HDAC9: variants seen among roughly 807,000 people sequenced by gnomAD.
The protein encoded by HDAC9 is MEF-2 interacting transcription repressor (MITR) protein.
A neutral mutation model predicts 139.4 loss-of-function variants in HDAC9; 41 were observed. That is an observed-to-expected ratio of 0.29 (90% CI 0.23 to 0.38). The LOEUF is 0.38. HDAC9 is among the 10% of genes least tolerant of loss of function. The pLI, the probability that HDAC9 is intolerant of heterozygous loss-of-function variation, is 1.00. For synonymous variants in HDAC9, 517 were observed against 476.2 expected, an observed-to-expected ratio of 1.09 and a Z score of -1.12; for missense variants, 1,147 against 1,297.0, an observed-to-expected ratio of 0.88 and a Z score of 1.78.
At chr7:18,361,221 A>G (rs1005588771) in intron 1 of HDAC9, among the ~76,000 whole-genome samples, 1 of 152,192 alleles carries the variant, frequency 6.6e-6, no homozygotes, top group African/African-American at 2.4e-5. Flanking sequence ...GATCAAACCT[A>G]GCAAGGAGAA....
intron 2 of HDAC9, among the ~76,000 whole-genome samples, chr7:18,556,594 T>A (rs1480898169): frequency 1.3e-5 from 2 of 151,744 alleles, no homozygotes; most frequent in Non-Finnish European, 2.9e-5. Flanking sequence ...AGTTCACTAA[T>A]TTCTGTCTCA....
chr7:18,268,867 C>T (rs2128211855), intron 2 of HDAC9, among the ~76,000 whole-genome samples: 1 of 152,282 alleles, frequency 6.6e-6, no homozygotes, highest in East Asian at 1.9e-4. Flanking sequence ...AGAGCTGGAC[C>T]ATTTATTCCA....
chr7:18,613,210 AAC>A (rs1392050021), intron 6 of HDAC9, among the ~76,000 whole-genome samples: 1 of 151,618 alleles, frequency 6.6e-6, no homozygotes, highest in Non-Finnish European at 1.5e-5. Context: ...TATTGGAAAG[AAC>A]AGTCCATTAG....
At chr7:18,989,857 G>A (rs921407810) in intron 25 of HDAC9, among the ~76,000 whole-genome samples, 1 of 147,922 alleles carries the variant, frequency 6.8e-6, no homozygotes, top group African/African-American at 2.5e-5. Context: ...GGCTCCTGAG[G>A]CTTCTGCATT....
intron 12 of HDAC9, among the ~76,000 whole-genome samples, chr7:18,688,035 A>G (rs1311521874): frequency 6.6e-6 from 1 of 151,870 alleles, no homozygotes; most frequent in Non-Finnish European, 1.5e-5. Flanking sequence ...CTCCACAAAC[A>G]GCCCATATAA....
chr7:18,727,686 A>G lies in HDAC9; in HGVS notation c.1838A>G (p.His613Arg). 6.3e-7 allele frequency: 1 copy of G among 1,581,138 alleles called. No individual in the cohort carries two copies. The highest frequency in any genetic ancestry group is 8.6e-7 in the Non-Finnish European group (1 of 1,167,976). ...LEKHRLVSRTHSSPAASVLPH... is the reference protein window; with the variant it reads ...LEKHRLVSRTRSSPAASVLPH... ...AAACACCGTCTCGTCTCCAGGACTCACTCTTCCCCTGCTGCCTCTGTTTTA... is the reference window on the plus strand; with the variant it reads ...AAACACCGTCTCGTCTCCAGGACTCGCTCTTCCCCTGCTGCCTCTGTTTTA... The change falls in exon 13 of 26, where the codon CAC becomes CGC. Residue 613 changes from histidine (H) to arginine (R), a missense_variant. Around this residue, in one of 7 missense-constraint regions of HDAC9, gnomAD observed 256 missense variants for 219.2 expected, o/e 1.17. Transcript: ENST00000686413.
At chr7:18,584,821 A>G (rs921596502) in intron 2 of HDAC9, among the ~76,000 whole-genome samples, 2 of 152,246 alleles carry the variant, frequency 1.3e-5, no homozygotes, top group Non-Finnish European at 2.9e-5. Context: ...TTTACTTTGT[A>G]AAGTTGAAGA....
At chr7:18,812,763 T>G (rs989062382) in intron 17 of HDAC9, among the ~76,000 whole-genome samples, 1 of 152,078 alleles carries the variant, frequency 6.6e-6, no homozygotes, top group Admixed American at 6.6e-5. Flanking sequence ...GTCCTCTGTT[T>G]CTGAGGGTCC....
intron 16 of HDAC9, among the ~76,000 whole-genome samples, chr7:18,783,255 C>G (rs1791407195): frequency 6.6e-6 from 1 of 151,982 alleles, no homozygotes; most frequent in Admixed American, 6.6e-5. Flanking sequence ...TCTTTCTATC[C>G]TTTTATCCAA....
chr7:18,875,768 T>C (rs1349599066), intron 22 of HDAC9, among the ~76,000 whole-genome samples: 1 of 152,174 alleles, frequency 6.6e-6, no homozygotes, highest in Admixed American at 6.6e-5. Context: ...TTATTATCCA[T>C]GGAACTCAAC....
chr7:18,758,277 G>A (rs901526678), intron 14 of HDAC9, among the ~76,000 whole-genome samples: 4 of 152,142 alleles, frequency 2.6e-5, no homozygotes, highest in Non-Finnish European at 4.4e-5. Context: ...TTTTGGGCAG[G>A]CTATCATAGA....
intron 1 of HDAC9, among the ~76,000 whole-genome samples, chr7:18,331,239 A>C (rs1304505192): frequency 1.3e-5 from 2 of 151,742 alleles, no homozygotes; most frequent in Non-Finnish European, 2.9e-5. Flanking sequence ...TTAGCCAATC[A>C]GGCATGTAAT....
chr7:18,893,471 T>C (rs1055912548), intron 22 of HDAC9, among the ~76,000 whole-genome samples: 4 of 152,106 alleles, frequency 2.6e-5, no homozygotes, highest in African/African-American at 9.7e-5. Flanking sequence ...AAGTCAAAAC[T>C]CCCTGTTTGC....
At chr7:18,691,382 A>G (rs942734189) in intron 12 of HDAC9, among the ~76,000 whole-genome samples, 8 of 152,048 alleles carry the variant, frequency 5.3e-5, no homozygotes, top group Non-Finnish European at 8.8e-5. Flanking sequence ...GTCACTTTGT[A>G]TTGCTCTTTC....
chr7:18,993,505 G>A (rs1428136387), intron 25 of HDAC9, among the ~76,000 whole-genome samples: 1 of 152,180 alleles, frequency 6.6e-6, no homozygotes, highest in African/African-American at 2.4e-5. Context: ...GCTGCAAGAC[G>A]CTGGGGAGAA....
At chr7:18,109,504 A>G (rs1783464370) in intron 1 of HDAC9, among the ~76,000 whole-genome samples, 1 of 152,208 alleles carries the variant, frequency 6.6e-6, no homozygotes, top group African/African-American at 2.4e-5. Context: ...TTATGACATT[A>G]AAAGAATTTG....
chr7:18,890,337 A>G (rs1563026782), intron 22 of HDAC9, among the ~76,000 whole-genome samples: 1 of 152,204 alleles, frequency 6.6e-6, no homozygotes. Flanking sequence ...AATGCTTCAA[A>G]CCACCTAACA....
chr7:18,580,168 A>G (rs1207589930), intron 2 of HDAC9, among the ~76,000 whole-genome samples: 1 of 152,188 alleles, frequency 6.6e-6, no homozygotes, highest in East Asian at 1.9e-4. Context: ...CTAAACGTGA[A>G]TGTTCATGTT....
intron 1 of HDAC9, among the ~76,000 whole-genome samples, chr7:18,353,811 C>T (rs1783043972): frequency 6.6e-6 from 1 of 152,164 alleles, no homozygotes; most frequent in African/African-American, 2.4e-5. Context: ...AAATCATGAA[C>T]TCCTAGCATT....
Sources: gnomAD v4.1 joint callset for allele counts (sites outside exome capture counted in the v4.1 genomes callset) on GRCh38, gnomAD v4.1.1 for gene constraint, gnomAD v4.1.1 regional missense constraint, MANE v1.5 for transcripts, NCBI Gene and HGNC (gene_info 2026-07-23, HGNC 2026-07-21) for gene names.